Variants in HNRNPLL observed in about 807,000 individuals in gnomAD.
HNRNPLL encodes the protein heterogeneous nuclear ribonucleoprotein L-like.
In HNRNPLL, 25 loss-of-function variants were observed where a neutral mutation model predicts 67.1. The ratio of observed to expected loss-of-function variants is 0.37; its 90% confidence interval spans 0.27 to 0.52. The LOEUF is 0.52. HNRNPLL is among the 20% of genes least tolerant of loss of function. The pLI is 0.90. For missense variants in HNRNPLL, 542 were observed against 673.9 expected (o/e 0.80, Z 2.17); for synonymous variants, 267 against 241.7 (o/e 1.10, Z -0.97).
At chr2:38,582,910 C>G (rs1056177003) in intron 4 of HNRNPLL, among the ~76,000 whole-genome samples, 1 of 150,386 alleles carries the variant, frequency 6.6e-6, no homozygotes, top group Non-Finnish European at 1.5e-5. Flanking sequence ...CCAAAGAAAA[C>G]ATAATACAAC....
Position 38,588,119 on chromosome 2 carries a change from C to T in HNRNPLL, c.309-2238G>A, listed in dbSNP as rs80061101. Reference sequence around the variant, plus strand: ...AGAACCGTGAGCCGATTAAACCTCTCTTCTTAATAAATTACCCACTCTCAA... The same window carrying T: ...AGAACCGTGAGCCGATTAAACCTCTTTTCTTAATAAATTACCCACTCTCAA... On this transcript the variant is annotated intron_variant, in intron 2 of 12. Coordinates refer to ENST00000449105, the MANE Select transcript of HNRNPLL (RefSeq NM_138394.4). Among the ~76,000 whole-genome samples, 71 of 152,266 alleles carry T rather than the reference C, an allele frequency of 4.7e-4. 3 individuals are homozygous for T. The East Asian group carries it at 0.014, about 29-fold the overall frequency.
chr2:38,588,594 G>A (rs1030306533), intron 2 of HNRNPLL, among the ~76,000 whole-genome samples: 53 of 142,970 alleles, frequency 3.7e-4, no homozygotes, highest in African/African-American at 1.3e-3. Flanking sequence ...CAACTTAAAA[G>A]TGAGGGTTAC....
chr2:38,598,139 T>C (rs189760458), intron 1 of HNRNPLL, among the ~76,000 whole-genome samples: 10 of 152,148 alleles, frequency 6.6e-5, no homozygotes, highest in South Asian at 2.1e-4. Flanking sequence ...TTATTATACA[T>C]TGGTATTTTC....
chr2:38,593,730 G>T (rs192411402), intron 1 of HNRNPLL, among the ~76,000 whole-genome samples: 2 of 152,144 alleles, frequency 1.3e-5, no homozygotes, highest in Admixed American at 1.3e-4. Context: ...CTGGTGTGGT[G>T]GAGGACGCCT....
intron 4 of HNRNPLL, 22 bp downstream of exon 4, chr2:38,583,819 A>C (rs778148354): frequency 1.7e-6 from 2 of 1,194,868 alleles, no homozygotes; most frequent in Non-Finnish European, 2.4e-6. Flanking sequence ...CACATCAATA[A>C]AAATTTACAA....
chr2:38,595,219 G>T (rs1220113248), intron 1 of HNRNPLL, among the ~76,000 whole-genome samples: 1 of 145,538 alleles, frequency 6.9e-6, no homozygotes, highest in Admixed American at 7.0e-5. Flanking sequence ...GGTGGAGGTT[G>T]CAGTGAGCCA....
At chr2:38,569,674 T>C in intron 9 of HNRNPLL, 130 bp downstream of exon 9, 1 of 557,424 alleles carries the variant, frequency 1.8e-6, no homozygotes, top group Non-Finnish European at 3.1e-6. Context: ...AATAACAATA[T>C]TACAGCTGTT....
chr2:38,593,628 G>T lies in HNRNPLL; in HGVS notation c.190-1980C>A, dbSNP rs184822021. On this transcript the variant is annotated intron_variant, in intron 1 of 12. Transcript: ENST00000449105. ...TGCTGGGCCAGACGTGGTGGCTCAT[G>T]CCTGTAATCCAGCACTTTGGGAGGC... 3.7e-3 allele frequency among the ~76,000 whole-genome samples: 561 copies of T among 152,284 alleles called. 5 individuals are homozygous for T. Among genetic ancestry groups the T allele is most frequent in the Admixed American group, 7.8e-3 (119 of 15,304 alleles).
intron 2 of HNRNPLL, among the ~76,000 whole-genome samples, chr2:38,590,174 T>G (rs1666902378): frequency 6.6e-6 from 1 of 152,246 alleles, no homozygotes; most frequent in Non-Finnish European, 1.5e-5. Context: ...CCAAGTCATT[T>G]ACCTCTCAAT....
chr2:38,595,272 T>TAAAAAAA (rs70954734), intron 1 of HNRNPLL, among the ~76,000 whole-genome samples: 2 of 68,766 alleles, frequency 2.9e-5, no homozygotes, highest in African/African-American at 4.9e-5. Flanking sequence ...AGACCTTGTC[T>TAAAAAAA]AAAAAAAAAA....
chr2:38,567,331 G>A (rs962901724), intron 12 of HNRNPLL, among the ~76,000 whole-genome samples: 11 of 151,926 alleles, frequency 7.2e-5, no homozygotes, highest in African/African-American at 2.7e-4. Flanking sequence ...GGCCAAGCTG[G>A]TCTCGAACTC....
At chr2:38,573,474 G>A in intron 7 of HNRNPLL, 47 bp from the exon 8 acceptor site, 1 of 1,256,840 alleles carries the variant, frequency 8.0e-7, no homozygotes, top group East Asian at 2.4e-5. Context: ...TATACACATA[G>A]TTGTTTGTAA....
intron 2 of HNRNPLL, among the ~76,000 whole-genome samples, chr2:38,590,658 CA>C (rs1397108795): frequency 7.2e-5 from 11 of 152,168 alleles, no homozygotes; most frequent in Middle Eastern, 3.4e-3. Context: ...TGGGAAGAGA[CA>C]GGGGGAGCCT....
intron 8 of HNRNPLL, among the ~76,000 whole-genome samples, chr2:38,570,270 T>C (rs1177919431): frequency 6.6e-6 from 1 of 152,226 alleles, no homozygotes. Context: ...ATTTACTCTT[T>C]CAACAAATAT....
chr2:38,577,547 G>A lies in HNRNPLL; in HGVS notation c.803-15C>T. 1 of 1,576,460 alleles carries A rather than the reference G, an allele frequency of 6.3e-7. No homozygotes were observed. On this transcript the variant is annotated splice_polypyrimidine_tract_variant and intron_variant, in intron 6 of 12. Transcript: ENST00000449105. ...CTTTCCTCTATCTGACACAAAAGTAGAAACATGGTTTTAACAATTTTGACC... is the reference window on the plus strand; with the variant it reads ...CTTTCCTCTATCTGACACAAAAGTAAAAACATGGTTTTAACAATTTTGACC...
intron 12 of HNRNPLL, among the ~76,000 whole-genome samples, chr2:38,564,836 T>C (rs993143264): frequency 2.0e-5 from 3 of 151,848 alleles, no homozygotes; most frequent in East Asian, 1.9e-4. Flanking sequence ...TGCAAAAATA[T>C]TGCCAACAGT....
Position 38,569,907 on chromosome 2 carries a change from T to C in HNRNPLL, c.1111A>G (p.Ile371Val), listed in dbSNP as rs762830270. 5.7e-6 allele frequency: 9 copies of C among 1,592,818 alleles called. No individual in the cohort carries two copies. Among genetic ancestry groups the C allele is most frequent in the Non-Finnish European group, 7.7e-6 (9 of 1,168,652 alleles). ...NIEKVKFMKT[I>V]PGTALVEMGD... ...ATTTCTACCAGTGCTGTACCAGGAA[T>C]GGTCTTCATAAATTTTACCTGTAAA... is the stretch of plus-strand genomic sequence containing the variant. The change falls in exon 9 of 13, where the codon ATT becomes GTT. Residue 371 changes from isoleucine (I) to valine (V), a missense_variant. Physicochemically the swap from Ile to Val is conservative, Grantham distance 29. Transcript: ENST00000449105.
At chr2:38,570,149 C>T (rs181303689) in intron 8 of HNRNPLL, among the ~76,000 whole-genome samples, 2 of 152,306 alleles carry the variant, frequency 1.3e-5, no homozygotes, top group East Asian at 3.9e-4. Flanking sequence ...CAGGCTCACC[C>T]TAACTCTGTT....
chr2:38,579,131 C>CAGT (rs201640424), intron 6 of HNRNPLL, among the ~76,000 whole-genome samples: 1,642 of 152,192 alleles, frequency 0.011, 13 homozygotes, highest in Non-Finnish European at 0.016. Context: ...TTTATTGATA[C>CAGT]AGTTAACAGT....
Sources: allele counts gnomAD v4.1 joint callset (sites outside exome capture counted in the v4.1 genomes callset), GRCh38; gene constraint gnomAD v4.1.1; transcripts MANE v1.5; gene names NCBI Gene and HGNC (gene_info 2026-07-23, HGNC 2026-07-21).